The following KRAS variants were observed in gnomAD, a reference collection of about 807,000 sequenced individuals.
The protein encoded by KRAS is KRas proto-oncogene, GTPase.
In KRAS, 1 loss-of-function variant was observed where a neutral mutation model predicts 21.0. The ratio of observed to expected loss-of-function variants is 0.05; its 90% CI spans 0.02 to 0.23. The LOEUF (loss-of-function observed/expected upper bound fraction) is 0.23. KRAS is among the 10% of genes least tolerant of loss of function. The pLI, the probability that KRAS is intolerant of heterozygous loss-of-function variation, is 1.00. For missense variants in KRAS, 107 were observed against 221.8 expected (o/e 0.48, Z 3.29); for synonymous variants, 67 against 72.5 (o/e 0.92, Z 0.39).
intron 2 of KRAS, among the ~76,000 whole-genome samples, chr12:25,230,074 T>C (rs1179169659): frequency 6.6e-6 from 1 of 152,138 alleles, no homozygotes; most frequent in Non-Finnish European, 1.5e-5. Flanking sequence ...GCCCAGCCTC[T>C]AAAGTATGTT....
At chr12:25,248,559 AGCCACATGTAT>A (rs939340810) in intron 1 of KRAS, among the ~76,000 whole-genome samples, 96 of 151,892 alleles carry the variant, frequency 6.3e-4, no homozygotes, top group Non-Finnish European at 3.7e-4. Flanking sequence ...ATGAATTCAG[AGCCACATGTAT>A]CTTCCGGTTT....
intron 2 of KRAS, among the ~76,000 whole-genome samples, chr12:25,239,733 T>C (rs180755760): frequency 6.6e-6 from 1 of 152,230 alleles, no homozygotes; most frequent in African/African-American, 2.4e-5. Flanking sequence ...GGCGGGCAGA[T>C]CACGAGGTCA....
chr12:25,250,182 T>C (rs1951746119), intron 1 of KRAS, among the ~76,000 whole-genome samples: 1 of 152,182 alleles, frequency 6.6e-6, no homozygotes, highest in Non-Finnish European at 1.5e-5. Context: ...ACCTCCCCTC[T>C]TACTCACACA....
chr12:25,224,765 CAGGTGTATAGT>C (rs1302373469), intron 4 of KRAS, among the ~76,000 whole-genome samples: 1 of 152,054 alleles, frequency 6.6e-6, no homozygotes, highest in Admixed American at 6.5e-5. Context: ...CTACATATCC[CAGGTGTATAGT>C]AGGTTATACT....
chr12:25,211,929 C>T (rs61763579), intron 4 of KRAS, among the ~76,000 whole-genome samples: 9,374 of 152,174 alleles, frequency 0.062, 389 homozygotes, highest in Non-Finnish European at 0.093. Context: ...TTGTTTCTCC[C>T]ACAGGAGAAA....
At chr12:25,230,064 G>C (rs927847364) in intron 2 of KRAS, among the ~76,000 whole-genome samples, 1 of 152,082 alleles carries the variant, frequency 6.6e-6, no homozygotes, top group Admixed American at 6.6e-5. Context: ...GAGCCACTGC[G>C]CCCAGCCTCT....
At chr12:25,249,590 T>TAAAAAAAAAAAA (rs1951737131) in intron 1 of KRAS, among the ~76,000 whole-genome samples, 2 of 2,046 alleles carry the variant, frequency 9.8e-4, no homozygotes, top group African/African-American at 1.2e-3. Context: ...AGACTGTGTC[T>TAAAAAAAAAAAA]CAAAAAAAAA....
chr12:25,235,071 T>C (rs2135793790), intron 2 of KRAS: 1 of 383,486 alleles, frequency 2.6e-6, no homozygotes, highest in Middle Eastern at 6.4e-4. Flanking sequence ...TTAATCTCCA[T>C]CTTCATTCTG....
chr12:25,220,659 G>A (rs889000521), intron 4 of KRAS, among the ~76,000 whole-genome samples: 4 of 151,730 alleles, frequency 2.6e-5, no homozygotes, highest in Admixed American at 2.0e-4. Flanking sequence ...TCCGGGAAGC[G>A]GAGGTTGCAG....
intron 2 of KRAS, among the ~76,000 whole-genome samples, chr12:25,232,832 A>C (rs1362912437): frequency 6.6e-6 from 1 of 152,222 alleles, no homozygotes; most frequent in African/African-American, 2.4e-5. Flanking sequence ...TTGTAGACAG[A>C]ATTCAAACAT....
At chr12:25,250,637 C>CGA (rs1951755768) in intron 1 of KRAS, 114 bp downstream of exon 1, 1 of 169,566 alleles carries the variant, frequency 5.9e-6, no homozygotes, top group East Asian at 1.2e-4. Flanking sequence ...CCCGCGCCCC[C>CGA]CACCCGCCCC....
At chr12:25,230,762 AG>A (rs1951457121) in intron 2 of KRAS, among the ~76,000 whole-genome samples, 1 of 151,990 alleles carries the variant, frequency 6.6e-6, no homozygotes, top group African/African-American at 2.4e-5. Flanking sequence ...TATCTTTTAA[AG>A]CATATGGTAT....
intron 4 of KRAS, among the ~76,000 whole-genome samples, chr12:25,217,152 CA>C (rs1235442511): frequency 1.3e-5 from 2 of 152,162 alleles, no homozygotes; most frequent in Non-Finnish European, 2.9e-5. Flanking sequence ...GTTTTAAATT[CA>C]ATCACACACA....
chr12:25,221,388 A>G (rs1205998376), intron 4 of KRAS, among the ~76,000 whole-genome samples: 2 of 152,010 alleles, frequency 1.3e-5, no homozygotes, highest in Middle Eastern at 3.2e-3. Context: ...ACCCGCCACC[A>G]CGCCTGGCTA....
chr12:25,231,509 TTAG>T (rs1376833296), intron 2 of KRAS, among the ~76,000 whole-genome samples: 1 of 152,152 alleles, frequency 6.6e-6, no homozygotes, highest in Non-Finnish European at 1.5e-5. Flanking sequence ...ATGTGGGATA[TTAG>T]TAGTTTATGT....
At chr12:25,214,156 T>A (rs1592797283) in intron 4 of KRAS, among the ~76,000 whole-genome samples, 1 of 152,034 alleles carries the variant, frequency 6.6e-6, no homozygotes, top group African/African-American at 2.4e-5. Context: ...ATCATGAGAG[T>A]GTTAGCTAAT....
chr12:25,246,491 G>A (rs1209079803), intron 1 of KRAS, among the ~76,000 whole-genome samples: 3 of 152,146 alleles, frequency 2.0e-5, no homozygotes, highest in Non-Finnish European at 4.4e-5. Flanking sequence ...CCGGGAGGCA[G>A]AGGTTGCAGT....
chr12:25,221,687 T>C (rs1404075839), intron 4 of KRAS, among the ~76,000 whole-genome samples: 1 of 152,200 alleles, frequency 6.6e-6, no homozygotes, highest in African/African-American at 2.4e-5. Context: ...TGCCAGCCTC[T>C]GATTTACATG....
At position 25,209,123 on chromosome 12, in the gene KRAS, A is replaced by C; in HGVS notation, c.*672T>G. 1.8e-6 allele frequency: 1 copy of C among 562,154 alleles called. No homozygotes were observed. Among genetic ancestry groups the C allele is most frequent in the Non-Finnish European group, 3.1e-6 (1 of 318,186 alleles). The allele number at this position is 562,154 out of a possible 1,614,324, so 34.8% of individuals were successfully genotyped here. A position where few individuals can be genotyped will look rare whatever the true frequency, so the allele number is the denominator to read the frequency against. ...AGGAGTCTTTATAGTAATTTATCTA[A>C]TGTGAAAAGGAAATGGCCTTATAAT... On this transcript the variant is annotated 3_prime_UTR_variant, in exon 5 of 5. Coordinates refer to ENST00000311936, the MANE Select transcript of KRAS (RefSeq NM_004985.5).
Sources: allele counts gnomAD v4.1 joint callset (sites outside exome capture counted in the v4.1 genomes callset), GRCh38; gene constraint gnomAD v4.1.1; transcripts MANE v1.5; gene names NCBI Gene and HGNC (gene_info 2026-07-23, HGNC 2026-07-21).